The following TGS1 variants were observed in gnomAD, a reference collection of about 807,000 sequenced individuals.
The protein encoded by TGS1 is trimethylguanosine synthase.
In TGS1, 69 loss-of-function variants were observed where a neutral mutation model predicts 92.2. The ratio of observed to expected loss-of-function variants is 0.75; its 90% CI spans 0.62 to 0.91. The LOEUF (loss-of-function observed/expected upper bound fraction) is 0.91. Among genes scored for constraint, TGS1 ranks in the 40% least tolerant of loss-of-function variants. The pLI is 0.00. For synonymous variants in TGS1, 345 were observed against 338.1 expected (o/e 1.02, Z -0.22); for missense variants, 1,062 against 1,001.2 (o/e 1.06, Z -0.82).
intron 10 of TGS1, among the ~76,000 whole-genome samples, chr8:55,809,391 C>G (rs923768063): frequency 5.9e-5 from 9 of 152,078 alleles, no homozygotes; most frequent in African/African-American, 2.2e-4. Flanking sequence ...CAGCTAGTAG[C>G]CACATGTGGC....
In TGS1 at chr8:55,782,831, C is replaced by A; in HGVS notation, c.166+19C>A. 1 of 1,533,588 alleles carries A rather than the reference C, an allele frequency of 6.5e-7. No homozygotes were observed. Among genetic ancestry groups the A allele is most frequent in the Non-Finnish European group, 8.9e-7 (1 of 1,125,314 alleles). 95.0% of individuals were successfully genotyped at this position (1,533,588 alleles called of 1,614,324 possible). A position where few individuals can be genotyped will look rare whatever the true frequency, so the allele number is the denominator to read the frequency against. On this transcript the variant is annotated intron_variant, in intron 2 of 12. Coordinates refer to ENST00000260129, the MANE Select transcript of TGS1 (RefSeq NM_024831.8). The stretch of plus-strand genomic sequence containing the variant: ...AATTCAGGTAATATAGTATAAAATT[C>A]TATAAACCTTTTTTGCTGAAATTAG...
At chr8:55,774,405 T>C (rs868734828) in intron 1 of TGS1, among the ~76,000 whole-genome samples, 6 of 152,370 alleles carry the variant, frequency 3.9e-5, no homozygotes, top group South Asian at 4.1e-4. Flanking sequence ...AGTTAAATCC[T>C]TGTGGAAGTG....
At chr8:55,776,125 G>A (rs937534300) in intron 1 of TGS1, among the ~76,000 whole-genome samples, 2 of 152,042 alleles carry the variant, frequency 1.3e-5, no homozygotes, top group East Asian at 1.9e-4. Flanking sequence ...CAACCCGAGC[G>A]AGCAATTCCT....
At chr8:55,798,885 C>T (rs1212005406) in intron 7 of TGS1, 29 bp from the exon 8 acceptor site, 2 of 1,529,878 alleles carry the variant, frequency 1.3e-6, no homozygotes, top group East Asian at 4.5e-5. Flanking sequence ...GAATTAATTC[C>T]TGCTCATGAT....
chr8:55,814,659 T>TAAAAA (rs1186059592), intron 12 of TGS1, among the ~76,000 whole-genome samples: 1 of 116,154 alleles, frequency 8.6e-6, no homozygotes, highest in African/African-American at 3.5e-5. Flanking sequence ...CGTCTCTACT[T>TAAAAA]AAAAAAAAAA....
At chr8:55,805,362 A>G (rs1186687776) in intron 10 of TGS1, among the ~76,000 whole-genome samples, 1 of 152,202 alleles carries the variant, frequency 6.6e-6, no homozygotes, top group Non-Finnish European at 1.5e-5. Context: ...CTTGTAACCT[A>G]GATACATCGA....
At position 55,824,776 on chromosome 8, in the gene TGS1, C is replaced by T. The variant is rs1204746727; in HGVS notation, c.*73C>T. 2 of 1,544,958 alleles carry T rather than the reference C, an allele frequency of 1.3e-6. No individual in the cohort carries two copies. Among genetic ancestry groups the T allele is most frequent in the African/African-American group, 1.4e-5 (1 of 73,070 alleles). ...CAGATGAGACATTTGGCATGTCTTC[C>T]TTTATTCACTGATATTTTCTACCCA... On this transcript the variant is annotated 3_prime_UTR_variant, in exon 13 of 13. Coordinates refer to ENST00000260129, the MANE Select transcript of TGS1 (RefSeq NM_024831.8).
intron 2 of TGS1, 69 bp from the exon 3 acceptor site, chr8:55,785,650 T>G: frequency 2.4e-6 from 3 of 1,234,276 alleles, no homozygotes; most frequent in Non-Finnish European, 3.3e-6. Flanking sequence ...TCAGGTTTTT[T>G]TAAATGAGAA....
chr8:55,786,751 G>A lies in TGS1; in HGVS notation c.853G>A (p.Glu285Lys). 6.2e-7 allele frequency: 1 copy of A among 1,614,136 alleles called. No homozygotes were observed. The highest frequency in any genetic ancestry group is 8.5e-7 in the Non-Finnish European group (1 of 1,180,020). Residue 285 changes from glutamate to lysine, a missense_variant, in exon 4 of 13, where the codon GAA becomes AAA. By Grantham distance (56) the Glu-to-Lys change is moderately conservative. Transcript: ENST00000260129. ...AACAGAAGCTGATGACAAGAACGAT[G>A]AAAAATGCATGAAAGTTGACTTAGT... ...SKTEADDKND[E>K]KCMKVDLVSF...
At position 55,825,696 on chromosome 8, in the gene TGS1, T is replaced by C. The variant is rs900624900; in HGVS notation, c.*993T>C. Reference sequence around the variant, plus strand: ...AATTAGACTAGAAAAATAGCTGTTATATAAATAACTTTGTTGGAATATGCT... The same window carrying C: ...AATTAGACTAGAAAAATAGCTGTTACATAAATAACTTTGTTGGAATATGCT... On this transcript the variant is annotated 3_prime_UTR_variant, in exon 13 of 13. Transcript: ENST00000260129. 2.0e-5 allele frequency among the ~76,000 whole-genome samples: 3 copies of C among 152,206 alleles called. No homozygotes were observed. Among genetic ancestry groups the C allele is most frequent in the Non-Finnish European group, 2.9e-5 (2 of 68,036 alleles).
intron 9 of TGS1, among the ~76,000 whole-genome samples, chr8:55,803,750 G>C (rs1391834440): frequency 1.3e-5 from 2 of 148,672 alleles, no homozygotes. Flanking sequence ...CTGGAGTACA[G>C]TGGCACAATC....
intron 12 of TGS1, among the ~76,000 whole-genome samples, chr8:55,814,178 G>A (rs949447250): frequency 6.6e-6 from 1 of 151,950 alleles, no homozygotes; most frequent in Non-Finnish European, 1.5e-5. Flanking sequence ...AAAATTAAAG[G>A]CTCAAGCAAT....
chr8:55,815,918 T>TTTTATTTA lies in TGS1; in HGVS notation c.2439+2824_2439+2831dup, dbSNP rs142853626. On this transcript the variant is annotated intron_variant, in intron 12 of 12. Transcript: ENST00000260129. ...TTGCTGTTGAAACCCAAGGACTAAT[T>TTTTATTTA]TTTATTTATTTATTTATTTATTTAT... is the stretch of plus-strand genomic sequence containing the variant. 5.6e-3 allele frequency among the ~76,000 whole-genome samples: 851 copies of TTTTATTTA among 150,656 alleles called. 6 individuals are homozygous for TTTTATTTA. The highest frequency in any genetic ancestry group is 0.019 in the African/African-American group (786 of 40,944).
At chr8:55,776,088 G>A (rs987803190) in intron 1 of TGS1, among the ~76,000 whole-genome samples, 9 of 151,970 alleles carry the variant, frequency 5.9e-5, no homozygotes, top group Non-Finnish European at 8.8e-5. Flanking sequence ...CAGGAGCATC[G>A]GCAAGACTCC....
intron 10 of TGS1, among the ~76,000 whole-genome samples, chr8:55,806,689 A>G (rs1194148389): frequency 1.3e-5 from 2 of 152,150 alleles, no homozygotes; most frequent in Admixed American, 6.5e-5. Flanking sequence ...GTAATCAACA[A>G]TCTTGTGAAT....
At chr8:55,817,856 T>C (rs1803526997) in intron 12 of TGS1, among the ~76,000 whole-genome samples, 1 of 152,222 alleles carries the variant, frequency 6.6e-6, no homozygotes, top group African/African-American at 2.4e-5. Context: ...GCATTCATCC[T>C]ACTACACTAA....
intron 2 of TGS1, among the ~76,000 whole-genome samples, chr8:55,784,185 A>G (rs1811647050): frequency 6.6e-6 from 1 of 152,198 alleles, no homozygotes; most frequent in Non-Finnish European, 1.5e-5. Flanking sequence ...GTTATCTCAC[A>G]TTTTAAAGTT....
At chr8:55,787,434 A>T (rs560324217) in intron 4 of TGS1, among the ~76,000 whole-genome samples, 3 of 152,202 alleles carry the variant, frequency 2.0e-5, no homozygotes, top group African/African-American at 7.2e-5. Context: ...CAAATGTCTT[A>T]TGAGTCATAT....
intron 6 of TGS1, among the ~76,000 whole-genome samples, 187 bp downstream of exon 6, chr8:55,792,971 G>T (rs1339491943): frequency 1.3e-5 from 2 of 152,170 alleles, no homozygotes; most frequent in Non-Finnish European, 2.9e-5. Flanking sequence ...TAACTCAGTT[G>T]CACTTTATAG....
Sources: gnomAD v4.1 joint callset for allele counts (sites outside exome capture counted in the v4.1 genomes callset) on GRCh38, gnomAD v4.1.1 for gene constraint, MANE v1.5 for transcripts, NCBI Gene and HGNC (gene_info 2026-07-23, HGNC 2026-07-21) for gene names.